The following PIAS3 variants were observed in gnomAD, a reference collection of about 807,000 sequenced individuals.
PIAS3 encodes the protein E3 SUMO-protein ligase PIAS3.
A neutral mutation model predicts 67.6 loss-of-function variants in PIAS3; 34 were observed. The ratio of observed to expected loss-of-function variants is 0.50; its 90% CI spans 0.38 to 0.67. PIAS3 has a LOEUF of 0.67. Ranked by LOEUF, PIAS3 falls within the 30% of genes least tolerant of loss-of-function variation. The probability of loss-of-function intolerance (pLI) is 0.00; values close to 1 mark genes in which losing one functional copy is unlikely to be tolerated. For missense variants in PIAS3, 693 were observed against 791.6 expected, an observed-to-expected ratio of 0.88 and a Z score of 1.49; for synonymous variants, 341 against 313.8, an observed-to-expected ratio of 1.09 and a Z score of -0.92.
chr1:145,848,766 G>C lies in PIAS3; in HGVS notation c.*680C>G. Reference sequence around the variant, plus strand: ...GAACTTAGATATATAAATAGAGAGAGACCCAAGCAATAGGCCGGGCCTGAC... The same window carrying C: ...GAACTTAGATATATAAATAGAGAGACACCCAAGCAATAGGCCGGGCCTGAC... On this transcript the variant is annotated 3_prime_UTR_variant, in exon 14 of 14. Transcript: ENST00000393045. 1.3e-5 allele frequency: 4 copies of C among 302,518 alleles called. No homozygotes were observed. The highest frequency in any genetic ancestry group is 2.2e-5 in the African/African-American group (1 of 46,136). The allele number at this position is 302,518 out of a possible 1,614,324, so 18.7% of individuals were successfully genotyped here. A position where few individuals can be genotyped will look rare whatever the true frequency, so the allele number is the denominator to read the frequency against.
At chr1:145,854,298 A>C in intron 7 of PIAS3, 160 bp downstream of exon 7, 2 of 619,634 alleles carry the variant, frequency 3.2e-6, no homozygotes, top group Non-Finnish European at 5.7e-6. Flanking sequence ...TCAACTATAA[A>C]GACTGGAAGA....
intron 3 of PIAS3, 54 bp downstream of exon 3, chr1:145,856,293 G>T: frequency 1.4e-6 from 2 of 1,469,094 alleles, no homozygotes; most frequent in South Asian, 2.3e-5. Context: ...CAGAAGAGAA[G>T]AAAGTCAGAA....
intron 11 of PIAS3, 34 bp downstream of exon 11, chr1:145,850,737 C>T (rs782679559): frequency 6.2e-6 from 10 of 1,610,704 alleles, no homozygotes; most frequent in East Asian, 2.2e-5. Context: ...TTCCCCTGTC[C>T]GTTTTGCTGT....
In PIAS3 at chr1:145,856,374, T is replaced by G; in HGVS notation, c.500A>C (p.Gln167Pro). 1.9e-6 allele frequency: 3 copies of G among 1,614,036 alleles called. No individual in the cohort carries two copies. Among genetic ancestry groups the G allele is most frequent in the Non-Finnish European group, 2.5e-6 (3 of 1,179,920 alleles). Reference protein sequence around the residue: ...EAHFTFALTPQQVQQILTSRE... With the variant: ...EAHFTFALTPPQVQQILTSRE... ...GGATGTAAGAATCTGCTGCACTTGC[T>G]GGGGTGTGAGGGCAAAGGTAAAGTG... The change falls in exon 3 of 14, where the codon CAG becomes CCG. Residue 167 changes from glutamine (Q) to proline (P), a missense_variant. Gln to Pro is a moderately conservative substitution (Grantham distance 76, BLOSUM62 -1). This residue lies in a region of PIAS3 where 308 missense variants were observed against 348.8 expected (regional missense o/e 0.88). Transcript: ENST00000393045.
chr1:145,849,185 A>C lies in PIAS3; in HGVS notation c.*261T>G. 1 of 321,716 alleles carries C rather than the reference A, an allele frequency of 3.1e-6. No individual in the cohort carries two copies. Among genetic ancestry groups the C allele is most frequent in the Non-Finnish European group, 5.6e-6 (1 of 178,114 alleles). 19.9% of individuals were successfully genotyped at this position (321,716 alleles called of 1,614,324 possible). ...CCATCCCATTTGCCTCCCACTGCCTAGGTTAACATACCCAAAGGAATGTGC... is the reference window on the plus strand; with the variant it reads ...CCATCCCATTTGCCTCCCACTGCCTCGGTTAACATACCCAAAGGAATGTGC... On this transcript the variant is annotated 3_prime_UTR_variant, in exon 14 of 14. Coordinates refer to ENST00000393045, the MANE Select transcript of PIAS3 (RefSeq NM_006099.3).
chr1:145,851,029 C>A lies in PIAS3; in HGVS notation c.1270G>T (p.Gly424Trp). The stretch of plus-strand genomic sequence containing the variant: ...ACAGGGGGTCACTCACCATCCAGCC[C>A]ATACCCTGGCGGGGGGCAAACCTCA... ...ASEVCPPPGY[G>W]LDGLQYSPVQ... Residue 424 changes from glycine (G) to tryptophan (W), a missense_variant, in exon 10 of 14, where the codon GGG becomes TGG. Transcript: ENST00000393045. The A allele has an allele frequency of 6.2e-7, 1 of 1,614,204 alleles. No homozygotes were observed. Among genetic ancestry groups the A allele is most frequent in the Non-Finnish European group, 8.5e-7 (1 of 1,180,038 alleles).
Position 145,849,261 on chromosome 1 carries a change from G to A in PIAS3, c.*185C>T. 4.3e-6 allele frequency: 2 copies of A among 461,972 alleles called. No individual in the cohort carries two copies. Among genetic ancestry groups the A allele is most frequent in the Admixed American group, 4.2e-5 (1 of 23,944 alleles). The allele number at this position is 461,972 out of a possible 1,614,324, so 28.6% of individuals were successfully genotyped here. On this transcript the variant is annotated 3_prime_UTR_variant, in exon 14 of 14. Coordinates refer to ENST00000393045, the MANE Select transcript of PIAS3 (RefSeq NM_006099.3). ...ACAGACCCCAGTGTCCTTAAAAAGA[G>A]GTTAAATATTAACCCTTTGGGTGCT...
At chr1:145,854,089 T>C in intron 7 of PIAS3, 3 of 605,044 alleles carry the variant, frequency 5.0e-6, no homozygotes, top group Non-Finnish European at 8.8e-6. Flanking sequence ...CTGAAGATGC[T>C]TAAACATAGC....
At position 145,851,238 on chromosome 1, in the gene PIAS3, C is replaced by G. The variant is rs1652951345; in HGVS notation, c.1146-85G>C. ...AGTTCTGTAACTCACCTTCCTGTAT[C>G]TCAGTTTCCTCATCTGTAAAATAAG... is the stretch of plus-strand genomic sequence containing the variant. On this transcript the variant is annotated intron_variant, in intron 9 of 13. Coordinates refer to ENST00000393045, the MANE Select transcript of PIAS3 (RefSeq NM_006099.3). 5 of 1,329,506 alleles carry G rather than the reference C, an allele frequency of 3.8e-6. No individual in the cohort carries two copies. The African/African-American group carries it at 4.3e-5, about 12-fold the overall frequency. 82.4% of individuals were successfully genotyped at this position (1,329,506 alleles called of 1,614,324 possible).
At chr1:145,852,726 G>T (rs1196636441) in intron 9 of PIAS3, among the ~76,000 whole-genome samples, 2 of 151,950 alleles carry the variant, frequency 1.3e-5, no homozygotes, top group Non-Finnish European at 2.9e-5. Context: ...GAGCAGCTAA[G>T]ACTACAGTCA....
intron 9 of PIAS3, 144 bp from the exon 10 acceptor site, chr1:145,851,297 G>T: frequency 2.5e-6 from 2 of 796,552 alleles, no homozygotes; most frequent in Non-Finnish European, 4.2e-6. Context: ...GCTCTGAGTT[G>T]TTGGAATCAA....
At chr1:145,852,651 T>C (rs1653010018) in intron 9 of PIAS3, among the ~76,000 whole-genome samples, 1 of 151,754 alleles carries the variant, frequency 6.6e-6, no homozygotes, top group African/African-American at 2.4e-5. Flanking sequence ...GGTGCAGTAA[T>C]GCAATCATAG....
At position 145,853,496 on chromosome 1, in the gene PIAS3, G is replaced by T; in HGVS notation, c.1145+8C>A. 6.3e-7 allele frequency: 1 copy of T among 1,594,760 alleles called. No homozygotes were observed. The highest frequency in any genetic ancestry group is 1.1e-5 in the South Asian group (1 of 87,976). On this transcript the variant is annotated splice_region_variant and intron_variant, in intron 9 of 13. Coordinates refer to ENST00000393045, the MANE Select transcript of PIAS3 (RefSeq NM_006099.3). ...TGTCCTAGGTAAGAGGAAGCAAAAT[G>T]GCCCTACCCATCAATGATAAGAGAT... is the stretch of plus-strand genomic sequence containing the variant.
chr1:145,853,127 A>C (rs900656448), intron 9 of PIAS3, among the ~76,000 whole-genome samples: 1 of 152,148 alleles, frequency 6.6e-6, no homozygotes, highest in Non-Finnish European at 1.5e-5. Context: ...GAAATATTAT[A>C]GGCTGGGCAT....
chr1:145,858,110 G>A (rs782091949), intron 1 of PIAS3, among the ~76,000 whole-genome samples: 1 of 152,110 alleles, frequency 6.6e-6, no homozygotes, highest in Non-Finnish European at 1.5e-5. Context: ...TGTAGCAGGA[G>A]GGGAGCGCTC....
At chr1:145,857,823 A>T (rs1553735925) in intron 1 of PIAS3, among the ~76,000 whole-genome samples, 1 of 152,000 alleles carries the variant, frequency 6.6e-6, no homozygotes, top group Non-Finnish European at 1.5e-5. Context: ...AGAAATTAAT[A>T]CTCCTCTACA....
At chr1:145,850,158 G>C (rs1652898603) in intron 13 of PIAS3, 74 bp downstream of exon 13, 25 of 1,607,950 alleles carry the variant, frequency 1.6e-5, no homozygotes, top group Non-Finnish European at 2.1e-5. Flanking sequence ...GATCATAAGA[G>C]AGGGAGGGGC....
At chr1:145,855,530 C>G (rs1653135355) in intron 5 of PIAS3, among the ~76,000 whole-genome samples, 1 of 151,894 alleles carries the variant, frequency 6.6e-6, no homozygotes, top group Non-Finnish European at 1.5e-5. Context: ...TCGGGTTGAA[C>G]TAATGTCCTC....
At chr1:145,857,434 G>A (rs782583237) in intron 1 of PIAS3, 1 of 179,506 alleles carries the variant, frequency 5.6e-6, no homozygotes, top group Non-Finnish European at 1.2e-5. Flanking sequence ...CAGGATAGGA[G>A]ACAGGGAGAA....
Sources: gnomAD v4.1 joint callset for allele counts (sites outside exome capture counted in the v4.1 genomes callset) on GRCh38, gnomAD v4.1.1 for gene constraint, gnomAD v4.1.1 regional missense constraint, MANE v1.5 for transcripts, NCBI Gene and HGNC (gene_info 2026-07-23, HGNC 2026-07-21) for gene names.